OMP: variants seen among roughly 807,000 people sequenced by gnomAD.
OMP encodes olfactory marker protein.
Under a neutral mutation model 12.0 loss-of-function variants are expected in OMP, and 6 were observed. The observed-to-expected ratio is 0.50, with a 90% confidence interval of 0.27 to 0.99. The LOEUF (loss-of-function observed/expected upper bound fraction) is 0.99, where lower values mean the gene tolerates loss of function less well. Among genes scored for constraint, OMP ranks in the 50% least tolerant of loss-of-function variants. The probability of loss-of-function intolerance (pLI) is 0.11; values close to 1 mark genes in which losing one functional copy is unlikely to be tolerated. For synonymous variants in OMP, 81 were observed against 101.0 expected (o/e 0.80, Z 1.19); for missense variants, 237 against 225.0 (o/e 1.05, Z -0.34).
In OMP at chr11:77,103,125, ACACG is replaced by A; in HGVS notation, c.288_291del (p.Arg97SerfsTer18). 6.2e-7 allele frequency: 1 copy of A among 1,613,822 alleles called. No individual in the cohort carries two copies. The highest frequency in any genetic ancestry group is 8.5e-7 in the Non-Finnish European group (1 of 1,179,858). ...GACGCCTGACCTCACCAACCTCATG[ACACG>A]CCAGCTGCTGGACCCCACTGCCATC... On this transcript the variant is annotated frameshift_variant, in exon 1 of 1. Coordinates refer to ENST00000529803, the MANE Select transcript of OMP (RefSeq NM_006189.1). LOFTEE classifies it high-confidence loss of function.
rs782320039 is a variant in OMP, at chr11:77,103,013, CCAG to C, written c.182_184del (p.Gln61del). The C allele has an allele frequency of 4.3e-6, 7 of 1,613,522 alleles. No individual in the cohort carries two copies. The East Asian group carries it at 1.1e-4, about 26-fold the overall frequency. On this transcript the variant is annotated inframe_deletion, in exon 1 of 1. Transcript: ENST00000529803. ...AGTCTGTGTACCGCCTCAACTTCAC[CCAG>C]CAGCAGCGGCTACAGTTCGAGCGCT... is the stretch of plus-strand genomic sequence containing the variant.
rs782068416 is a variant in OMP at position 77,102,984 on chromosome 11, G to T, written c.145G>T (p.Ala49Ser). Residue 49 changes from alanine to serine, a missense_variant, in exon 1 of 1, where the codon GCG becomes TCG. Coordinates refer to ENST00000529803, the MANE Select transcript of OMP (RefSeq NM_006189.1). The part of the protein sequence containing the change: ...RQDGEKLLQP[A>S]ESVYRLNFTQ... ...GGATGGGGAGAAGCTGCTGCAGCCA[G>T]CGGAGTCTGTGTACCGCCTCAACTT... The T allele has an allele frequency of 5.0e-6, 8 of 1,613,308 alleles. No homozygotes were observed. The Admixed American group carries it at 1.2e-4, about 24-fold the overall frequency.
chr11:77,103,039 G>T lies in OMP; in HGVS notation c.200G>T (p.Arg67Leu), dbSNP rs182826120. Residue 67 changes from arginine (R) to leucine (L), a missense_variant, in exon 1 of 1, where the codon CGC (arginine) becomes CTC (leucine). Physicochemically the swap from Arg to Leu is moderately radical, Grantham distance 102. Transcript: ENST00000529803. ...CAGCAGCAGCGGCTACAGTTCGAGC[G>T]CTGGAATGTCGTGCTGGACAAGCCG... Reference protein sequence around the residue: ...FTQQQRLQFERWNVVLDKPGK... With the variant: ...FTQQQRLQFELWNVVLDKPGK... 5 of 1,613,486 alleles carry T rather than the reference G, an allele frequency of 3.1e-6. No homozygotes were observed. The African/African-American group carries it at 6.7e-5, about 22-fold the overall frequency.
At position 77,103,193 on chromosome 11, in the gene OMP, T is replaced by G; in HGVS notation, c.354T>G (p.Asn118Lys). Residue 118 changes from asparagine (N) to lysine (K), a missense_variant, in exon 1 of 1, where the codon AAT becomes AAG. Transcript: ENST00000529803. ...AGGACTCGGATGCCATAGATTGGAATGAGGCCGACGCCCTGGAGTTTGGGG... is the reference window on the plus strand; with the variant it reads ...AGGACTCGGATGCCATAGATTGGAAGGAGGCCGACGCCCTGGAGTTTGGGG... ...RKEDSDAIDWNEADALEFGER... is the reference protein window; with the variant it reads ...RKEDSDAIDWKEADALEFGER... The G allele has an allele frequency of 6.2e-7, 1 of 1,613,732 alleles. No homozygotes were observed. The highest frequency in any genetic ancestry group is 8.5e-7 in the Non-Finnish European group (1 of 1,179,874).
At position 77,103,038 on chromosome 11, in the gene OMP, C is replaced by A; in HGVS notation, c.199C>A (p.Arg67Ser). 1 of 1,613,566 alleles carries A rather than the reference C, an allele frequency of 6.2e-7. No homozygotes were observed. Among genetic ancestry groups the A allele is most frequent in the Non-Finnish European group, 8.5e-7 (1 of 1,179,898 alleles). ...FTQQQRLQFE[R>S]WNVVLDKPGK... The stretch of plus-strand genomic sequence containing the variant: ...CCAGCAGCAGCGGCTACAGTTCGAG[C>A]GCTGGAATGTCGTGCTGGACAAGCC... The change falls in exon 1 of 1, where the codon CGC (arginine) becomes AGC (serine). Residue 67 changes from arginine to serine, a missense_variant. Transcript: ENST00000529803.
chr11:77,102,894 C>G lies in OMP; in HGVS notation c.55C>G (p.Gln19Glu). The G allele has an allele frequency of 1.2e-6, 2 of 1,612,332 alleles. No individual in the cohort carries two copies. The highest frequency in any genetic ancestry group is 1.7e-6 in the Non-Finnish European group (2 of 1,179,820). Residue 19 changes from glutamine to glutamate, a missense_variant, in exon 1 of 1, where the codon CAG (glutamine) becomes GAG (glutamate). Transcript: ENST00000529803. ...GCTGGACATGCCGCTGGTCCTGGACCAGGGCCTGACCAGGCAGATGCGGCT... is the reference window on the plus strand; with the variant it reads ...GCTGGACATGCCGCTGGTCCTGGACGAGGGCCTGACCAGGCAGATGCGGCT... ...PQLDMPLVLD[Q>E]GLTRQMRLRV... is the part of the protein sequence containing the mutation.
rs782415910 is a variant in OMP, at chr11:77,102,956, C to A, written c.117C>A (p.Arg39=). The A allele has an allele frequency of 8.1e-6, 13 of 1,613,232 alleles. No individual in the cohort carries two copies. The highest frequency in any genetic ancestry group is 9.3e-6 in the Non-Finnish European group (11 of 1,179,900). Residue 39 remains arginine, a synonymous_variant, in exon 1 of 1, where the codon CGC becomes CGA. Transcript: ENST00000529803. ...GCCTGAAGCAGCGCGGGGAGAAGCG[C>A]CAGGATGGGGAGAAGCTGCTGCAGC... ...VESLKQRGEK[R]QDGEKLLQPA...
Position 77,103,289 on chromosome 11 carries a change from GC to G in OMP, c.453del (p.Ala152ProfsTer?), listed in dbSNP as rs1555039299. The G allele has an allele frequency of 6.2e-7, 1 of 1,612,688 alleles. No homozygotes were observed. ...FLVTFGEGVEPANLKASVVFN... is the reference protein window; with the variant it reads ...FLVTFGEGVEXANLKASVVFN... The stretch of plus-strand genomic sequence containing the variant: ...TCGTCACCTTTGGCGAGGGTGTGGA[GC>G]CCGCCAACCTCAAGGCCTCCGTGGT... On this transcript the variant is annotated frameshift_variant, in exon 1 of 1. Transcript: ENST00000529803. LOFTEE classifies it high-confidence loss of function.
rs782371518 is a variant in OMP, at chr11:77,103,140, G to A, written c.301G>A (p.Asp101Asn). The A allele has an allele frequency of 6.2e-7, 1 of 1,613,834 alleles. No individual in the cohort carries two copies. The highest frequency in any genetic ancestry group is 1.1e-5 in the South Asian group (1 of 91,078). The change falls in exon 1 of 1, where the codon GAC becomes AAC. Residue 101 changes from aspartate (D) to asparagine (N), a missense_variant. Asp to Asn is a conservative substitution (Grantham distance 23). Coordinates refer to ENST00000529803, the MANE Select transcript of OMP (RefSeq NM_006189.1). Reference sequence around the variant, plus strand: ...CAACCTCATGACACGCCAGCTGCTGGACCCCACTGCCATCTTCTGGCGCAA... The same window carrying A: ...CAACCTCATGACACGCCAGCTGCTGAACCCCACTGCCATCTTCTGGCGCAA... ...LTNLMTRQLL[D>N]PTAIFWRKED...
At position 77,102,987 on chromosome 11, in the gene OMP, G is replaced by A. The variant is rs1371860357; in HGVS notation, c.148G>A (p.Glu50Lys). The A allele has an allele frequency of 1.9e-6, 3 of 1,613,436 alleles. No homozygotes were observed. Among genetic ancestry groups the A allele is most frequent in the South Asian group, 2.2e-5 (2 of 91,086 alleles). ...QDGEKLLQPA[E>K]SVYRLNFTQQ... Reference sequence around the variant, plus strand: ...TGGGGAGAAGCTGCTGCAGCCAGCGGAGTCTGTGTACCGCCTCAACTTCAC... The same window carrying A: ...TGGGGAGAAGCTGCTGCAGCCAGCGAAGTCTGTGTACCGCCTCAACTTCAC... The change falls in exon 1 of 1, where the codon GAG (glutamate) becomes AAG (lysine). Residue 50 changes from glutamate to lysine, a missense_variant. Physicochemically the swap from Glu to Lys is moderately conservative, Grantham distance 56. Transcript: ENST00000529803.
At position 77,103,286 on chromosome 11, in the gene OMP, G is replaced by A; in HGVS notation, c.447G>A (p.Val149=). ...MYFLVTFGEG[V]EPANLKASVV... is the part of the protein sequence containing the mutation. The stretch of plus-strand genomic sequence containing the variant: ...TCCTCGTCACCTTTGGCGAGGGTGT[G>A]GAGCCCGCCAACCTCAAGGCCTCCG... The change falls in exon 1 of 1, where the codon GTG becomes GTA. Residue 149 remains valine (V), a synonymous_variant. Transcript: ENST00000529803. 1 of 1,612,834 alleles carries A rather than the reference G, an allele frequency of 6.2e-7. No homozygotes were observed. The highest frequency in any genetic ancestry group is 8.5e-7 in the Non-Finnish European group (1 of 1,179,708).
rs782068416 is a variant in OMP, at chr11:77,102,984, G to A, written c.145G>A (p.Ala49Thr). The change falls in exon 1 of 1, where the codon GCG (alanine) becomes ACG (threonine). Residue 49 changes from alanine (A) to threonine (T), a missense_variant. Coordinates refer to ENST00000529803, the MANE Select transcript of OMP (RefSeq NM_006189.1). ...GGATGGGGAGAAGCTGCTGCAGCCA[G>A]CGGAGTCTGTGTACCGCCTCAACTT... ...RQDGEKLLQP[A>T]ESVYRLNFTQ... is the part of the protein sequence containing the mutation. 3 of 1,613,426 alleles carry A rather than the reference G, an allele frequency of 1.9e-6. No individual in the cohort carries two copies. The highest frequency in any genetic ancestry group is 1.1e-5 in the South Asian group (1 of 91,090).
Position 77,102,944 on chromosome 11 carries a change from C to G in OMP, c.105C>G (p.Arg35=). ...TACGCGTGGAGAGCCTGAAGCAGCG[C>G]GGGGAGAAGCGCCAGGATGGGGAGA... The part of the protein sequence containing the change: ...MRLRVESLKQ[R]GEKRQDGEKL... Residue 35 remains arginine, a synonymous_variant, in exon 1 of 1, where the codon CGC becomes CGG. Transcript: ENST00000529803. The G allele has an allele frequency of 1.2e-6, 2 of 1,613,058 alleles. No homozygotes were observed. Among genetic ancestry groups the G allele is most frequent in the Non-Finnish European group, 1.7e-6 (2 of 1,179,894 alleles).
chr11:77,103,104 C>G lies in OMP; in HGVS notation c.265C>G (p.Pro89Ala). The change falls in exon 1 of 1, where the codon CCT (proline) becomes GCT (alanine). Residue 89 changes from proline (P) to alanine (A), a missense_variant. Coordinates refer to ENST00000529803, the MANE Select transcript of OMP (RefSeq NM_006189.1). ...TITGTSQNWT[P>A]DLTNLMTRQL... The stretch of plus-strand genomic sequence containing the variant: ...CACAGGCACCTCGCAGAACTGGACG[C>G]CTGACCTCACCAACCTCATGACACG... 1 of 1,613,886 alleles carries G rather than the reference C, an allele frequency of 6.2e-7. No homozygotes were observed. Among genetic ancestry groups the G allele is most frequent in the Admixed American group, 1.7e-5 (1 of 60,022 alleles).
At position 77,103,154 on chromosome 11, in the gene OMP, C is replaced by A. The variant is rs1950306153; in HGVS notation, c.315C>A (p.Ile105=). Residue 105 remains isoleucine (I), a synonymous_variant, in exon 1 of 1, where the codon ATC becomes ATA. Transcript: ENST00000529803. The part of the protein sequence containing the change: ...MTRQLLDPTA[I]FWRKEDSDAI... ...GCCAGCTGCTGGACCCCACTGCCAT[C>A]TTCTGGCGCAAGGAGGACTCGGATG... is the stretch of plus-strand genomic sequence containing the variant. 2 of 1,613,736 alleles carry A rather than the reference C, an allele frequency of 1.2e-6. No homozygotes were observed. The highest frequency in any genetic ancestry group is 2.7e-5 in the African/African-American group (2 of 74,938).
Position 77,103,179 on chromosome 11 carries a change from G to A in OMP, c.340G>A (p.Ala114Thr). 1 of 1,613,838 alleles carries A rather than the reference G, an allele frequency of 6.2e-7. No homozygotes were observed. Among genetic ancestry groups the A allele is most frequent in the South Asian group, 1.1e-5 (1 of 91,088 alleles). Residue 114 changes from alanine (A) to threonine (T), a missense_variant, in exon 1 of 1, where the codon GCC becomes ACC. Coordinates refer to ENST00000529803, the MANE Select transcript of OMP (RefSeq NM_006189.1). Reference protein sequence around the residue: ...AIFWRKEDSDAIDWNEADALE... With the variant: ...AIFWRKEDSDTIDWNEADALE... ...CTTCTGGCGCAAGGAGGACTCGGAT[G>A]CCATAGATTGGAATGAGGCCGACGC...
In OMP at chr11:77,103,162, G is replaced by T. The variant is rs373946879; in HGVS notation, c.323G>T (p.Arg108Leu). ...QLLDPTAIFW[R>L]KEDSDAIDWN... ...CTGGACCCCACTGCCATCTTCTGGC[G>T]CAAGGAGGACTCGGATGCCATAGAT... The change falls in exon 1 of 1, where the codon CGC becomes CTC. Residue 108 changes from arginine (R) to leucine (L), a missense_variant. Transcript: ENST00000529803. The T allele has an allele frequency of 1.1e-5, 18 of 1,613,672 alleles. 1 individual carries two copies. The highest frequency in any genetic ancestry group is 1.6e-4 in the Middle Eastern group (1 of 6,084).
chr11:77,103,165 A>G lies in OMP; in HGVS notation c.326A>G (p.Lys109Arg). The change falls in exon 1 of 1, where the codon AAG becomes AGG. Residue 109 changes from lysine to arginine, a missense_variant. Transcript: ENST00000529803. Reference sequence around the variant, plus strand: ...GACCCCACTGCCATCTTCTGGCGCAAGGAGGACTCGGATGCCATAGATTGG... The same window carrying G: ...GACCCCACTGCCATCTTCTGGCGCAGGGAGGACTCGGATGCCATAGATTGG... ...LLDPTAIFWRKEDSDAIDWNE... is the reference protein window; with the variant it reads ...LLDPTAIFWRREDSDAIDWNE... 6.2e-7 allele frequency: 1 copy of G among 1,613,826 alleles called. No homozygotes were observed. Among genetic ancestry groups the G allele is most frequent in the South Asian group, 1.1e-5 (1 of 91,084 alleles).
At position 77,102,915 on chromosome 11, in the gene OMP, C is replaced by A. The variant is rs2233546; in HGVS notation, c.76C>A (p.Arg26=). The A allele has an allele frequency of 1.4e-4, 224 of 1,612,732 alleles. No individual in the cohort carries two copies. The African/African-American group carries it at 2.5e-3, about 18-fold the overall frequency. ...VLDQGLTRQM[R]LRVESLKQRG... ...GGACCAGGGCCTGACCAGGCAGATG[C>A]GGCTACGCGTGGAGAGCCTGAAGCA... Residue 26 remains arginine (R), a synonymous_variant, in exon 1 of 1, where the codon CGG becomes AGG. Coordinates refer to ENST00000529803, the MANE Select transcript of OMP (RefSeq NM_006189.1).
Sources: allele counts gnomAD v4.1 joint callset, GRCh38; gene constraint gnomAD v4.1.1; transcripts MANE v1.5; gene names NCBI Gene and HGNC (gene_info 2026-07-23, HGNC 2026-07-21).